XPO7: variants seen among roughly 807,000 people sequenced by gnomAD.
The protein encoded by XPO7 is exportin 7.
Under a neutral mutation model 144.3 loss-of-function variants are expected in XPO7, and 21 were observed. The ratio of observed to expected loss-of-function variants is 0.15; its 90% CI spans 0.10 to 0.21. The LOEUF (loss-of-function observed/expected upper bound fraction) is 0.21. Among genes scored for constraint, XPO7 ranks in the 10% least tolerant of loss-of-function variants. The pLI is 1.00. For missense variants in XPO7, 808 were observed against 1,325.8 expected, an observed-to-expected ratio of 0.61 and a Z score of 6.06; for synonymous variants, 580 against 499.6, an observed-to-expected ratio of 1.16 and a Z score of -2.15.
intron 1 of XPO7, among the ~76,000 whole-genome samples, chr8:21,937,375 CCAAGAA>C (rs1810855369): frequency 6.6e-6 from 1 of 152,138 alleles, no homozygotes; most frequent in African/African-American, 2.4e-5. Context: ...GTAATAGTTA[CCAAGAA>C]GATTAAACCT....
intron 1 of XPO7, chr8:21,921,632 T>A (rs973526348): frequency 2.0e-5 from 3 of 152,206 alleles, no homozygotes; most frequent in African/African-American, 7.2e-5. Flanking sequence ...CGAAGGTCTG[T>A]CTTATTTTTA....
At chr8:21,966,375 G>T in intron 1 of XPO7, 1 of 766,842 alleles carries the variant, frequency 1.3e-6, no homozygotes. Flanking sequence ...CCATCTTTAC[G>T]CATATACATT....
intron 1 of XPO7, among the ~76,000 whole-genome samples, chr8:21,956,628 TGTC>T (rs1811543234): frequency 7.3e-6 from 1 of 136,846 alleles, no homozygotes; most frequent in South Asian, 2.3e-4. Context: ...TTTGCTCTGT[TGTC>T]TGTGAGATTT....
intron 1 of XPO7, among the ~76,000 whole-genome samples, chr8:21,925,572 C>T (rs1347292075): frequency 2.0e-5 from 3 of 152,100 alleles, no homozygotes; most frequent in Non-Finnish European, 4.4e-5. Context: ...TGGAGTGTGA[C>T]TTGGTTGGTC....
In XPO7 at chr8:22,002,221, G is replaced by C. The variant is rs542436827; in HGVS notation, c.2892G>C (p.Glu964Asp). ...TKKRTTPLNQ[E>D]SDRFLHIMQQ... Reference sequence around the variant, plus strand: ...AGAGGACCACACCCCTGAACCAGGAGAGCGACCGCTTTCTGCACATCATGC... The same window carrying C: ...AGAGGACCACACCCCTGAACCAGGACAGCGACCGCTTTCTGCACATCATGC... Residue 964 changes from glutamate (E) to aspartate (D), a missense_variant, in exon 25 of 28, where the codon GAG becomes GAC. Physicochemically the swap from Glu to Asp is conservative, Grantham distance 45 (BLOSUM62 2). Around this residue, in one of 5 missense-constraint regions of XPO7, gnomAD observed 140 missense variants for 237.9 expected, o/e 0.59. Coordinates refer to ENST00000252512, the MANE Select transcript of XPO7 (RefSeq NM_015024.5). The C allele has an allele frequency of 1.9e-6, 3 of 1,613,426 alleles. No homozygotes were observed. The Admixed American group carries it at 5.0e-5, about 27-fold the overall frequency.
At chr8:21,954,322 C>G (rs1197800161) in intron 1 of XPO7, among the ~76,000 whole-genome samples, 1 of 152,036 alleles carries the variant, frequency 6.6e-6, no homozygotes, top group Non-Finnish European at 1.5e-5. Flanking sequence ...TCAAATTGAT[C>G]CTAAAAACAT....
chr8:21,984,643 T>C lies in XPO7; in HGVS notation c.1278-3T>C, dbSNP rs777107220. On this transcript the variant is annotated splice_polypyrimidine_tract_variant and splice_region_variant and intron_variant, in intron 11 of 27. Transcript: ENST00000252512. Reference sequence around the variant, plus strand: ...GCTGCCTTCCTTCTTCCCTTGGGAATAGAGATGGCCTGGAAGATCCCCTGG... The same window carrying C: ...GCTGCCTTCCTTCTTCCCTTGGGAACAGAGATGGCCTGGAAGATCCCCTGG... The C allele has an allele frequency of 2.5e-6, 4 of 1,608,278 alleles. No individual in the cohort carries two copies. The highest frequency in any genetic ancestry group is 1.7e-4 in the Middle Eastern group (1 of 6,044).
intron 23 of XPO7, 111 bp from the exon 24 acceptor site, chr8:21,999,425 C>A (rs551362753): frequency 6.4e-7 from 1 of 1,569,146 alleles, no homozygotes; most frequent in East Asian, 2.2e-5. Flanking sequence ...TTTGCTCTAA[C>A]TAAGTCTTCT....
intron 1 of XPO7, among the ~76,000 whole-genome samples, chr8:21,940,474 CTT>C (rs34280582): frequency 5.5e-4 from 79 of 143,756 alleles, no homozygotes; most frequent in Non-Finnish European, 4.4e-4. Context: ...CATAGTTAGG[CTT>C]TTTTTTTTTT....
At position 21,984,653 on chromosome 8, in the gene XPO7, C is replaced by T; in HGVS notation, c.1285C>T (p.Leu429=). Residue 429 remains leucine, a synonymous_variant, in exon 12 of 28, where the codon CTG becomes TTG. Transcript: ENST00000252512. ...ESVHIILRDG[L]EDPLEDTGLV... The stretch of plus-strand genomic sequence containing the variant: ...TTCTTCCCTTGGGAATAGAGATGGC[C>T]TGGAAGATCCCCTGGAGGATACGGG... The T allele has an allele frequency of 6.2e-7, 1 of 1,611,524 alleles. No homozygotes were observed. The highest frequency in any genetic ancestry group is 1.1e-5 in the South Asian group (1 of 90,766).
intron 1 of XPO7, among the ~76,000 whole-genome samples, chr8:21,928,467 T>G (rs1337347222): frequency 6.6e-6 from 1 of 152,158 alleles, no homozygotes; most frequent in Non-Finnish European, 1.5e-5. Context: ...GATGGCTGAG[T>G]CTTATTGTGT....
chr8:21,932,117 G>T (rs1469803258), intron 1 of XPO7, among the ~76,000 whole-genome samples: 1 of 152,020 alleles, frequency 6.6e-6, no homozygotes, highest in Non-Finnish European at 1.5e-5. Context: ...CAGGTGATCC[G>T]CACGCCTCCC....
intron 27 of XPO7, 76 bp from the exon 28 acceptor site, chr8:22,004,919 T>TAAA: frequency 1.0e-4 from 28 of 274,986 alleles, no homozygotes; most frequent in South Asian, 3.9e-4. Context: ...TCCCATGCTT[T>TAAA]AAAAAAAAAA....
In XPO7 at chr8:21,932,806, A is replaced by G. The variant is rs761172837; in HGVS notation, c.18+13018A>G. On this transcript the variant is annotated intron_variant, in intron 1 of 27. Transcript: ENST00000252512. Reference sequence around the variant, plus strand: ...AGCGGCTAGTCGTCAACTGTAGGCTATTCATTGTTTATACCTGTGATATAG... The same window carrying G: ...AGCGGCTAGTCGTCAACTGTAGGCTGTTCATTGTTTATACCTGTGATATAG... Among the ~76,000 whole-genome samples, 4 of 152,212 alleles carry G rather than the reference A, an allele frequency of 2.6e-5. No individual in the cohort carries two copies. In the South Asian group the frequency reaches 6.2e-4, roughly 24 times the overall value.
chr8:21,946,574 GA>G (rs375503342), intron 1 of XPO7, among the ~76,000 whole-genome samples: 11 of 89,042 alleles, frequency 1.2e-4, no homozygotes, highest in African/African-American at 2.0e-4. Flanking sequence ...TTCTAGAACT[GA>G]AAAAAAAAAA....
chr8:21,944,088 A>G (rs1811079279), intron 1 of XPO7, among the ~76,000 whole-genome samples: 1 of 152,212 alleles, frequency 6.6e-6, no homozygotes, highest in Non-Finnish European at 1.5e-5. Context: ...TCGTTGAATC[A>G]TTGAGTAACT....
chr8:21,973,744 A>T (rs1812138272), intron 5 of XPO7, among the ~76,000 whole-genome samples: 1 of 152,190 alleles, frequency 6.6e-6, no homozygotes, highest in African/African-American at 2.4e-5. Flanking sequence ...GACAACTTTG[A>T]AGTTATTTTA....
chr8:21,939,527 G>A (rs1380318135), intron 1 of XPO7, among the ~76,000 whole-genome samples: 2 of 152,070 alleles, frequency 1.3e-5, no homozygotes, highest in East Asian at 1.9e-4. Flanking sequence ...GGTCTGTTTT[G>A]GATTTTTAAA....
intron 24 of XPO7, among the ~76,000 whole-genome samples, 187 bp from the exon 25 acceptor site, chr8:22,001,925 C>T (rs567040590): frequency 3.3e-4 from 50 of 152,330 alleles, no homozygotes; most frequent in African/African-American, 1.2e-3. Context: ...TTACCACATA[C>T]TCACTTTCAA....
Sources: gnomAD v4.1 joint callset for allele counts (sites outside exome capture counted in the v4.1 genomes callset) on GRCh38, gnomAD v4.1.1 for gene constraint, gnomAD v4.1.1 regional missense constraint, MANE v1.5 for transcripts, NCBI Gene and HGNC (gene_info 2026-07-23, HGNC 2026-07-21) for gene names.